FGF14: variants seen among roughly 807,000 people sequenced by gnomAD.
The protein encoded by FGF14 is fibroblast growth factor homologous factor 4.
FGF14 carries 5 observed loss-of-function variants against 25.5 expected under a neutral mutation model. That is an observed-to-expected ratio of 0.20 (90% CI 0.10 to 0.41). The LOEUF is 0.41. Among genes scored for constraint, FGF14 ranks in the 10% least tolerant of loss-of-function variants. The pLI, the probability that FGF14 is intolerant of heterozygous loss-of-function variation, is 1.00. For synonymous variants in FGF14, 138 were observed against 118.3 expected, an observed-to-expected ratio of 1.17 and a Z score of -1.08; for missense variants, 222 against 320.1, an observed-to-expected ratio of 0.69 and a Z score of 2.34.
intron 1 of FGF14, among the ~76,000 whole-genome samples, chr13:101,879,325 AT>A (rs1428029771): frequency 6.6e-6 from 1 of 152,214 alleles, no homozygotes; most frequent in Admixed American, 6.5e-5. Flanking sequence ...TAAAATAGAA[AT>A]AATGAAAACT....
chr13:101,740,237 G>T (rs1488915973), intron 3 of FGF14, among the ~76,000 whole-genome samples: 1 of 152,150 alleles, frequency 6.6e-6, no homozygotes, highest in Non-Finnish European at 1.5e-5. Flanking sequence ...GAGAGGTTTT[G>T]TCTGCGGCTC....
intron 1 of FGF14, among the ~76,000 whole-genome samples, chr13:102,148,321 T>C (rs137859192): frequency 2.0e-3 from 309 of 152,342 alleles, no homozygotes; most frequent in African/African-American, 7.1e-3. Flanking sequence ...ATTGATTATA[T>C]ACAAGAATTT....
At chr13:102,312,080 A>C (rs1479134992) in intron 1 of FGF14, among the ~76,000 whole-genome samples, 2 of 151,992 alleles carry the variant, frequency 1.3e-5, no homozygotes, top group African/African-American at 4.8e-5. Flanking sequence ...TATGTTACCT[A>C]CTCTGAGTTT....
chr13:102,260,835 T>C (rs1297788856), intron 1 of FGF14, among the ~76,000 whole-genome samples: 1 of 152,218 alleles, frequency 6.6e-6, no homozygotes, highest in Non-Finnish European at 1.5e-5. Context: ...GTGTTCTTCC[T>C]TGCCCTATCC....
chr13:101,727,710 T>G (rs1197433370), intron 3 of FGF14, among the ~76,000 whole-genome samples: 1 of 152,120 alleles, frequency 6.6e-6, no homozygotes, highest in Non-Finnish European at 1.5e-5. Flanking sequence ...AAGGGTACAA[T>G]CTACATATGC....
intron 3 of FGF14, among the ~76,000 whole-genome samples, chr13:101,730,240 C>T (rs146182812): frequency 3.3e-5 from 5 of 152,258 alleles, no homozygotes; most frequent in South Asian, 2.1e-4. Context: ...AAGAACATGT[C>T]GTACTGATGT....
At chr13:101,934,736 C>CTG (rs2034988468) in intron 1 of FGF14, among the ~76,000 whole-genome samples, 1 of 152,224 alleles carries the variant, frequency 6.6e-6, no homozygotes, top group African/African-American at 2.4e-5. Flanking sequence ...GCCCCTCACT[C>CTG]TACACTGCCA....
intron 1 of FGF14, among the ~76,000 whole-genome samples, chr13:101,924,547 T>C (rs1388794378): frequency 6.6e-6 from 1 of 152,166 alleles, no homozygotes; most frequent in Non-Finnish European, 1.5e-5. Context: ...CATTTGAAAG[T>C]TTTCTGGATA....
chr13:101,846,998 T>C lies in FGF14; in HGVS notation c.408+21727A>G, dbSNP rs560474233. Among the ~76,000 whole-genome samples, 6 of 152,186 alleles carry C rather than the reference T, an allele frequency of 3.9e-5. No homozygotes were observed. The East Asian group carries it at 1.2e-3, about 30-fold the overall frequency. ...AAGCGGGTCCTCGATAAATTCCTCA[T>C]CCTTTCTAACCCTCAGATTTTTCAT... On this transcript the variant is annotated intron_variant, in intron 3 of 4. Transcript: ENST00000376143.
At chr13:101,918,705 T>C (rs1414005805), upstream of FGF14, among the ~76,000 whole-genome samples, 1 of 152,234 alleles carries the variant, frequency 6.6e-6, no homozygotes, top group Non-Finnish European at 1.5e-5. Flanking sequence ...GGGCTGTTGT[T>C]TGTTACCTTC....
At chr13:102,362,234 C>T (rs1458265862) in intron 1 of FGF14, among the ~76,000 whole-genome samples, 13 of 152,156 alleles carry the variant, frequency 8.5e-5, no homozygotes, top group Admixed American at 8.5e-4. Flanking sequence ...CACCCTTTTA[C>T]AAATACTTTA....
intron 1 of FGF14, among the ~76,000 whole-genome samples, chr13:102,090,167 C>T (rs2044102462): frequency 6.6e-6 from 1 of 152,216 alleles, no homozygotes; most frequent in Non-Finnish European, 1.5e-5. Flanking sequence ...GACACATACT[C>T]ATTGAATATA....
intron 1 of FGF14, among the ~76,000 whole-genome samples, chr13:102,160,256 TC>T: frequency 6.6e-6 from 1 of 152,272 alleles, no homozygotes; most frequent in East Asian, 1.9e-4. Flanking sequence ...AGATTCTGCC[TC>T]CTGTGGCCCA....
intron 1 of FGF14, among the ~76,000 whole-genome samples, chr13:101,892,686 G>A (rs2029931758): frequency 6.6e-6 from 1 of 152,194 alleles, no homozygotes; most frequent in Admixed American, 6.5e-5. Context: ...TCCCCATAGT[G>A]TGCTGGGAAA....
chr13:102,174,135 C>CT lies in FGF14; in HGVS notation c.208+227335dup, dbSNP rs35882587. Among the ~76,000 whole-genome samples the CT allele has an allele frequency of 3.3e-3, 433 of 129,438 alleles. 1 individual carries two copies. The highest frequency in any genetic ancestry group is 8.0e-3 in the African/African-American group (273 of 33,970). 84.9% of individuals were successfully genotyped at this position (129,438 alleles called of 152,430 possible). A position where few individuals can be genotyped will look rare whatever the true frequency, so the allele number is the denominator to read the frequency against. ...CAAAACATGCAAAAGATCAGCATTT[C>CT]TTTTTTTTTTTTTTTTTGAAATGGA... On this transcript the variant is annotated intron_variant, in intron 1 of 4. Coordinates refer to the FGF14 transcript ENST00000376131.
rs543202228 is a variant in FGF14 at position 102,400,969 on chromosome 13, C to A, written c.208+502G>T. Among the ~76,000 whole-genome samples, 11 of 152,150 alleles carry A rather than the reference C, an allele frequency of 7.2e-5. No homozygotes were observed. The highest frequency in any genetic ancestry group is 2.6e-4 in the African/African-American group (11 of 41,518). On this transcript the variant is annotated intron_variant, in intron 1 of 4. Transcript: ENST00000376131. The surrounding 1 kb of genome is among the most constrained non-coding windows in gnomAD (Gnocchi z 4.3). ...CGCGGGGGCTGACGGAGGAGCGGGGCCGCGAGGGAGGGGGCCTCTTTTACT... is the reference window on the plus strand; with the variant it reads ...CGCGGGGGCTGACGGAGGAGCGGGGACGCGAGGGAGGGGGCCTCTTTTACT...
chr13:102,401,328 T>A, intron 1 of FGF14: 2 of 768,178 alleles, frequency 2.6e-6, no homozygotes, highest in Admixed American at 4.0e-5. Context: ...TGTTTATTCA[T>A]GCAACACCTC....
At chr13:102,284,353 T>G (rs1172632522) in intron 1 of FGF14, among the ~76,000 whole-genome samples, 9 of 152,160 alleles carry the variant, frequency 5.9e-5, no homozygotes, top group East Asian at 5.8e-4. Flanking sequence ...CGGGAATGAC[T>G]TAGGGTTGCT....
chr13:102,284,448 T>C (rs2053995743), intron 1 of FGF14, among the ~76,000 whole-genome samples: 1 of 152,178 alleles, frequency 6.6e-6, no homozygotes, highest in Admixed American at 6.5e-5. Context: ...GGATAAAGTT[T>C]AACCTTTGCA....
Sources: gnomAD v4.1 joint callset for allele counts (sites outside exome capture counted in the v4.1 genomes callset) on GRCh38, gnomAD v4.1.1 for gene constraint, Gnocchi (gnomAD v3.1) non-coding constraint, MANE v1.5 for transcripts, NCBI Gene and HGNC (gene_info 2026-07-23, HGNC 2026-07-21) for gene names.